The following SPMIP2 variants were observed in gnomAD, a reference collection of about 807,000 sequenced individuals.
The protein encoded by SPMIP2 is protein SPMIP2.
chr4:158,997,796 G>A, the SPMIP2 span, among the ~76,000 whole-genome samples: 42,893 of 151,944 alleles, frequency 0.28, 6,572 homozygotes, highest in South Asian at 0.41. Context: ...GTGATTACAC[G>A]CATGGGCCTC....
At chr4:159,027,890 G>A in the SPMIP2 span, among the ~76,000 whole-genome samples, 1 of 152,160 alleles carries the variant, frequency 6.6e-6, no homozygotes, top group African/African-American at 2.4e-5. Flanking sequence ...ATTTCCTAGA[G>A]AGTATTTCCA....
the SPMIP2 span, among the ~76,000 whole-genome samples, chr4:159,012,822 C>T: frequency 2.0e-5 from 3 of 152,092 alleles, no homozygotes; most frequent in Admixed American, 2.0e-4. Flanking sequence ...ATCCTCCCAC[C>T]TCGGCCTCCC....
At chr4:158,893,277 T>C in the SPMIP2 span, 532 of 161,594 alleles carry the variant, frequency 3.3e-3, no homozygotes, top group Middle Eastern at 0.015. Context: ...TAGAGCCCCA[T>C]AACCTGGGGT....
the SPMIP2 span, among the ~76,000 whole-genome samples, chr4:158,975,622 T>C: frequency 2.0e-5 from 3 of 152,344 alleles, no homozygotes; most frequent in Admixed American, 1.3e-4. Context: ...TGTGTGGTGT[T>C]ATTTCTGAGG....
At chr4:159,075,994 T>C in the SPMIP2 span, among the ~76,000 whole-genome samples, 1 of 152,120 alleles carries the variant, frequency 6.6e-6, no homozygotes, top group Non-Finnish European at 1.5e-5. Flanking sequence ...TTTAAACCAA[T>C]AGTTGGCTTT....
the SPMIP2 span, among the ~76,000 whole-genome samples, chr4:159,054,595 C>T: frequency 1.3e-5 from 2 of 152,220 alleles, no homozygotes; most frequent in African/African-American, 4.8e-5. Context: ...TCCCTCCTAT[C>T]CCTCAGTGCA....
chr4:159,066,930 A>G, the SPMIP2 span, among the ~76,000 whole-genome samples: 4,368 of 152,318 alleles, frequency 0.029, 98 homozygotes, highest in Admixed American at 0.052. Flanking sequence ...ATGTTTGTGT[A>G]TCAATAGAAC....
At chr4:158,943,420 T>C in the SPMIP2 span, among the ~76,000 whole-genome samples, 1 of 152,230 alleles carries the variant, frequency 6.6e-6, no homozygotes, top group Admixed American at 6.5e-5. Context: ...GTGGGCCTTC[T>C]TTGTTTCCTC....
chr4:159,042,005 G>C, the SPMIP2 span, among the ~76,000 whole-genome samples: 1 of 152,090 alleles, frequency 6.6e-6, no homozygotes, highest in Non-Finnish European at 1.5e-5. Flanking sequence ...ATCTAAATTT[G>C]ATCTTCAACA....
chr4:159,063,094 C>A, the SPMIP2 span, among the ~76,000 whole-genome samples: 1 of 152,212 alleles, frequency 6.6e-6, no homozygotes, highest in African/African-American at 2.4e-5. Context: ...CTCAACCTCA[C>A]AATGATAATT....
At chr4:159,028,663 G>A in the SPMIP2 span, among the ~76,000 whole-genome samples, 1 of 152,066 alleles carries the variant, frequency 6.6e-6, no homozygotes, top group Non-Finnish European at 1.5e-5. Flanking sequence ...CATAGGACCT[G>A]GAACTGGGTA....
the SPMIP2 span, among the ~76,000 whole-genome samples, chr4:159,021,388 G>A: frequency 1.2e-4 from 19 of 152,296 alleles, no homozygotes; most frequent in African/African-American, 4.1e-4. Context: ...TCAGTGTCCC[G>A]CATTGATTTG....
the SPMIP2 span, among the ~76,000 whole-genome samples, chr4:158,952,231 G>A: frequency 2.0e-5 from 3 of 152,166 alleles, no homozygotes; most frequent in Admixed American, 2.0e-4. Flanking sequence ...GTGAAATCAT[G>A]AGTAGAAAGA....
At chr4:158,920,948 A>C in the SPMIP2 span, among the ~76,000 whole-genome samples, 1 of 152,216 alleles carries the variant, frequency 6.6e-6, no homozygotes, top group Non-Finnish European at 1.5e-5. Context: ...GGTGGGCATC[A>C]CGGTCCTACC....
the SPMIP2 span, among the ~76,000 whole-genome samples, chr4:158,951,005 AG>A: frequency 6.6e-6 from 1 of 152,154 alleles, no homozygotes; most frequent in Non-Finnish European, 1.5e-5. Context: ...AGTGAGCTAG[AG>A]ATGTTTCCTA....
the SPMIP2 span, among the ~76,000 whole-genome samples, chr4:159,057,835 G>A: frequency 1.3e-5 from 2 of 152,176 alleles, no homozygotes; most frequent in African/African-American, 4.8e-5. Flanking sequence ...CTACAGGAGA[G>A]TAAAGTAGAA....
chr4:158,943,853 A>ATTTTT, the SPMIP2 span, among the ~76,000 whole-genome samples: 1 of 46,480 alleles, frequency 2.2e-5, no homozygotes, highest in Non-Finnish European at 4.1e-5. Flanking sequence ...TACTATTGAC[A>ATTTTT]TTTTCTTTTT....
At chr4:158,893,808 T>G in the SPMIP2 span, 14 of 814,634 alleles carry the variant, frequency 1.7e-5, no homozygotes, top group Non-Finnish European at 2.8e-5. Context: ...ACATACGTCT[T>G]GTCACAGTTG....
chr4:158,995,199 T>C, the SPMIP2 span, among the ~76,000 whole-genome samples: 1 of 152,256 alleles, frequency 6.6e-6, no homozygotes, highest in Admixed American at 6.5e-5. Context: ...ATTACAGGCA[T>C]GAGTCCCGTG....
Sources: allele counts gnomAD v4.1 joint callset (sites outside exome capture counted in the v4.1 genomes callset), GRCh38; gene constraint gnomAD v4.1.1; transcripts MANE v1.5; gene names NCBI Gene and HGNC (gene_info 2026-07-23, HGNC 2026-07-21).